Variants in ANO10 observed in about 807,000 individuals in gnomAD.
ANO10 encodes the protein anoctamin-10.
A neutral mutation model predicts 74.7 loss-of-function variants in ANO10; 77 were observed. That is an observed-to-expected ratio of 1.03 (90% CI 0.86 to 1.25). The LOEUF (loss-of-function observed/expected upper bound fraction) is 1.25, where lower values mean the gene tolerates loss of function less well. Among genes scored for constraint, ANO10 ranks in the 50% most tolerant of loss-of-function variants. The pLI is 0.00. For synonymous variants in ANO10, 279 were observed against 284.9 expected (o/e 0.98, Z 0.21); for missense variants, 721 against 778.1 (o/e 0.93, Z 0.87).
intron 12 of ANO10, among the ~76,000 whole-genome samples, chr3:43,399,662 T>G (rs1341445299): frequency 6.6e-6 from 1 of 152,220 alleles, no homozygotes; most frequent in Non-Finnish European, 1.5e-5. Context: ...GGGGGCGCTC[T>G]GTGTACGTAG....
intron 11 of ANO10, chr3:43,485,283 C>T (rs1355217101): frequency 1.0e-5 from 6 of 593,370 alleles, no homozygotes; most frequent in Admixed American, 5.3e-5. Flanking sequence ...CCCTTTGCCA[C>T]CGTCGCAGAC....
chr3:43,461,760 C>T (rs978474249), intron 11 of ANO10, among the ~76,000 whole-genome samples: 4 of 152,182 alleles, frequency 2.6e-5, no homozygotes, highest in South Asian at 2.1e-4. Flanking sequence ...TGCTCAATCT[C>T]GGGTATGTCT....
chr3:43,510,721 A>C (rs1385932689), intron 11 of ANO10, among the ~76,000 whole-genome samples: 2 of 152,194 alleles, frequency 1.3e-5, no homozygotes, highest in African/African-American at 4.8e-5. Flanking sequence ...CCTGAGACCT[A>C]ACTGAATATA....
In ANO10 at chr3:43,401,868, T is replaced by A. The variant is rs142415088; in HGVS notation, c.1914+30743A>T. On this transcript the variant is annotated intron_variant, in intron 12 of 12. Transcript: ENST00000292246. Reference sequence around the variant, plus strand: ...CTGATGTTTACTCTGTGGTCAATTATATGTCGGGCTCAGGCACATGCTATC... The same window carrying A: ...CTGATGTTTACTCTGTGGTCAATTAAATGTCGGGCTCAGGCACATGCTATC... Among the ~76,000 whole-genome samples, 104 of 152,370 alleles carry A rather than the reference T, an allele frequency of 6.8e-4. 2 individuals carry two copies. The highest frequency in any genetic ancestry group is 2.1e-3 in the African/African-American group (86 of 41,596).
chr3:43,589,493 C>A (rs1444565316), intron 4 of ANO10, among the ~76,000 whole-genome samples: 1 of 152,038 alleles, frequency 6.6e-6, no homozygotes, highest in Admixed American at 6.6e-5. Flanking sequence ...TCAAGACCAC[C>A]CTGGGCAACA....
chr3:43,491,088 C>T (rs903258120), intron 11 of ANO10, among the ~76,000 whole-genome samples: 3 of 152,112 alleles, frequency 2.0e-5, no homozygotes, highest in East Asian at 3.9e-4. Context: ...AGTGAGCATG[C>T]GTACAACTCC....
At chr3:43,605,641 G>A in intron 2 of ANO10, 73 bp downstream of exon 2, 1 of 1,527,508 alleles carries the variant, frequency 6.5e-7, no homozygotes, top group Non-Finnish European at 9.1e-7. Context: ...TAGTGACTGA[G>A]CATACAGTGT....
chr3:43,614,779 A>C (rs1221274919), intron 1 of ANO10, among the ~76,000 whole-genome samples: 4 of 123,504 alleles, frequency 3.2e-5, no homozygotes, highest in African/African-American at 8.5e-5. Flanking sequence ...AACTATATAT[A>C]TATATATATA....
intron 1 of ANO10, among the ~76,000 whole-genome samples, chr3:43,642,557 T>C (rs942623121): frequency 3.9e-5 from 6 of 152,166 alleles, no homozygotes; most frequent in Admixed American, 2.6e-4. Context: ...CTTTTGTCTT[T>C]TTTATTTGAA....
At chr3:43,588,281 G>A (rs2081569399) in intron 4 of ANO10, among the ~76,000 whole-genome samples, 2 of 151,944 alleles carry the variant, frequency 1.3e-5, no homozygotes, top group Non-Finnish European at 2.9e-5. Context: ...TTCAATATGA[G>A]TAAAAAGATA....
chr3:43,580,276 A>T (rs2081202987), intron 5 of ANO10, 77 bp downstream of exon 5: 2 of 1,589,740 alleles, frequency 1.3e-6, no homozygotes, highest in Non-Finnish European at 8.6e-7. Flanking sequence ...TGCCCAAGGG[A>T]GCTGACTCCA....
At chr3:43,575,227 T>C (rs1283364530) in intron 6 of ANO10, among the ~76,000 whole-genome samples, 1 of 152,100 alleles carries the variant, frequency 6.6e-6, no homozygotes, top group Non-Finnish European at 1.5e-5. Context: ...TAAAGTTTTC[T>C]GTAAATAAAG....
chr3:43,597,141 T>C (rs1416101345), intron 4 of ANO10, among the ~76,000 whole-genome samples: 1 of 152,062 alleles, frequency 6.6e-6, no homozygotes, highest in African/African-American at 2.4e-5. Flanking sequence ...TGTGGAGAAA[T>C]AGGAACACTT....
intron 11 of ANO10, chr3:43,485,908 C>T (rs975111530): frequency 3.7e-5 from 9 of 240,196 alleles, no homozygotes; most frequent in Non-Finnish European, 5.1e-5. Context: ...CACCGCCACC[C>T]GCAAAAGGTA....
chr3:43,674,123 C>T (rs1439778903), intron 1 of ANO10, among the ~76,000 whole-genome samples: 2 of 152,088 alleles, frequency 1.3e-5, no homozygotes, highest in Non-Finnish European at 2.9e-5. Context: ...CACATGTCTA[C>T]CTTCATGTGT....
In ANO10 at chr3:43,652,610, AC is replaced by A. The variant is rs1410217143; in HGVS notation, c.-12+38906del. On this transcript the variant is annotated intron_variant, in intron 1 of 3. Transcript: ENST00000413397. The stretch of plus-strand genomic sequence containing the variant: ...ATAACTCCATAAATAAAACTAAACC[AC>A]TGGATAGTACACCTTAAGTGGGTGG... Among the ~76,000 whole-genome samples, 24 of 152,308 alleles carry A rather than the reference AC, an allele frequency of 1.6e-4. No individual in the cohort carries two copies. In the South Asian group the frequency reaches 4.6e-3, roughly 29 times the overall value.
intron 1 of ANO10, among the ~76,000 whole-genome samples, chr3:43,649,401 T>G (rs1368971486): frequency 6.6e-6 from 1 of 152,204 alleles, no homozygotes; most frequent in Non-Finnish European, 1.5e-5. Context: ...TTGTTTCCAC[T>G]CATGAGATTC....
chr3:43,557,660 G>A (rs1300776834), intron 9 of ANO10, among the ~76,000 whole-genome samples: 1 of 150,990 alleles, frequency 6.6e-6, no homozygotes, highest in Non-Finnish European at 1.5e-5. Flanking sequence ...GTATAAACCT[G>A]GGAGGCGGAG....
Position 43,552,688 on chromosome 3 carries a change from TTATCTCTGG to T in ANO10, c.1668+2581_1668+2589del, listed in dbSNP as rs2079523415. Among the ~76,000 whole-genome samples, 5 of 118,564 alleles carry T rather than the reference TTATCTCTGG, an allele frequency of 4.2e-5. No homozygotes were observed. The Admixed American group carries it at 5.0e-4, about 12-fold the overall frequency. The allele number at this position is 118,564 out of a possible 152,430, so 77.8% of individuals were successfully genotyped here. The stretch of plus-strand genomic sequence containing the variant: ...CTTTTTCCTTCATTTCTGAAAAATA[TTATCTCTGG>T]ATATATATATATATATATATATATA... On this transcript the variant is annotated intron_variant, in intron 10 of 12. Transcript: ENST00000292246.
Sources: gnomAD v4.1 joint callset for allele counts (sites outside exome capture counted in the v4.1 genomes callset) on GRCh38, gnomAD v4.1.1 for gene constraint, MANE v1.5 for transcripts, NCBI Gene and HGNC (gene_info 2026-07-23, HGNC 2026-07-21) for gene names.